KIAA0586: variants seen among roughly 807,000 people sequenced by gnomAD.
The protein encoded by KIAA0586 is KIAA0586, also known as protein TALPID3.
Under a neutral mutation model 169.8 loss-of-function variants are expected in KIAA0586, and 144 were observed. The ratio of observed to expected loss-of-function variants is 0.85; its 90% CI spans 0.74 to 0.97. KIAA0586 has a LOEUF of 0.97. KIAA0586 is among the 50% of genes least tolerant of loss of function. KIAA0586 has a pLI of 0.00. For missense variants in KIAA0586, 1,854 were observed against 1,823.0 expected (o/e 1.02, Z -0.31); for synonymous variants, 625 against 612.4 (o/e 1.02, Z -0.30).
At chr14:58,511,584 G>C (rs1458376922) in intron 28 of KIAA0586, among the ~76,000 whole-genome samples, 1 of 152,192 alleles carries the variant, frequency 6.6e-6, no homozygotes, top group Non-Finnish European at 1.5e-5. Flanking sequence ...GCCAGAGGTA[G>C]TCCTAGTACC....
intron 30 of KIAA0586, among the ~76,000 whole-genome samples, chr14:58,542,245 G>A (rs951741362): frequency 6.6e-6 from 1 of 152,090 alleles, no homozygotes; most frequent in African/African-American, 2.4e-5. Flanking sequence ...TTGAGAGGCC[G>A]AGGTGGGCAG....
chr14:58,490,860 C>A, intron 25 of KIAA0586, among the ~76,000 whole-genome samples: 1 of 151,984 alleles, frequency 6.6e-6, no homozygotes, highest in Admixed American at 6.6e-5. Context: ...GGTAATTGTA[C>A]TCAACTATCA....
At chr14:58,512,994 C>T (rs1595444312) in intron 29 of KIAA0586, among the ~76,000 whole-genome samples, 1 of 151,992 alleles carries the variant, frequency 6.6e-6, no homozygotes, top group African/African-American at 2.4e-5. Flanking sequence ...TTGTAAAGCA[C>T]ATTATTTAGT....
downstream of KIAA0586, among the ~76,000 whole-genome samples, chr14:58,554,441 T>G (rs7157896): frequency 0.016 from 2,429 of 152,328 alleles, 72 homozygotes; most frequent in African/African-American, 0.055. Context: ...GTACCTACTC[T>G]GCACAAAACC....
Position 58,459,901 on chromosome 14 carries a change from C to A in KIAA0586, c.1715C>A (p.Thr572Asn). 1 of 1,533,728 alleles carries A rather than the reference C, an allele frequency of 6.5e-7. No homozygotes were observed. Among genetic ancestry groups the A allele is most frequent in the Non-Finnish European group, 8.7e-7 (1 of 1,145,690 alleles). ...AGATTTGATCAGAAGAATCAGAGAA[C>A]CAAGAAAGGTCAGAATATGACTAAA... ...QKRFDQKNQR[T>N]KKGQNMTKDI... is the part of the protein sequence containing the mutation. Residue 572 changes from threonine (T) to asparagine (N), a missense_variant, in exon 13 of 31, where the codon ACC becomes AAC. Thr to Asn is a moderately conservative substitution (Grantham distance 65, BLOSUM62 0). Coordinates refer to ENST00000652326, the MANE Select transcript of KIAA0586 (RefSeq NM_001329943.3).
At chr14:58,515,932 C>T (rs1249374430) in intron 29 of KIAA0586, among the ~76,000 whole-genome samples, 2 of 151,704 alleles carry the variant, frequency 1.3e-5, no homozygotes, top group Non-Finnish European at 2.9e-5. Flanking sequence ...ATTTCTTGAA[C>T]CCATCAGAGA....
chr14:58,435,078 C>T (rs113573460), intron 4 of KIAA0586, among the ~76,000 whole-genome samples: 2 of 152,330 alleles, frequency 1.3e-5, no homozygotes, highest in African/African-American at 4.8e-5. Flanking sequence ...CATGAGCCAA[C>T]ATACCTGGCT....
chr14:58,440,173 A>G, intron 4 of KIAA0586: 1 of 447,616 alleles, frequency 2.2e-6, no homozygotes. Flanking sequence ...ATGTAGCACT[A>G]CACCCACCTA....
chr14:58,453,575 AATTT>A, intron 9 of KIAA0586, 102 bp downstream of exon 9: 1 of 748,656 alleles, frequency 1.3e-6, no homozygotes, highest in Non-Finnish European at 2.1e-6. Flanking sequence ...TTGCTTCTTA[AATTT>A]ATCTTAGATT....
At chr14:58,476,140 GA>G (rs2041602866) in intron 19 of KIAA0586, among the ~76,000 whole-genome samples, 1 of 151,998 alleles carries the variant, frequency 6.6e-6, no homozygotes, top group African/African-American at 2.4e-5. Flanking sequence ...ACAAAAGTTT[GA>G]AAAAGCATAC....
At chr14:58,499,658 AAGCTATTCTCCTGCCTC>A (rs1406893731) in intron 27 of KIAA0586, among the ~76,000 whole-genome samples, 2 of 152,034 alleles carry the variant, frequency 1.3e-5, no homozygotes, top group Non-Finnish European at 2.9e-5. Context: ...TCCTGGGTTC[AAGCTATTCTCCTGCCTC>A]AGCCTCCCGA....
the KIAA0586 span, among the ~76,000 whole-genome samples, chr14:58,560,853 A>G: frequency 2.0e-5 from 3 of 152,334 alleles, no homozygotes; most frequent in African/African-American, 7.2e-5. Context: ...GGTTCTTGGC[A>G]TTAAACTAAG....
At chr14:58,547,154 T>TAA (rs1566968874) in intron 30 of KIAA0586, among the ~76,000 whole-genome samples, 9 of 125,282 alleles carry the variant, frequency 7.2e-5, no homozygotes, top group African/African-American at 3.0e-4. Flanking sequence ...CTTACCTCTT[T>TAA]TAAAAAAAAA....
intron 29 of KIAA0586, among the ~76,000 whole-genome samples, chr14:58,514,926 A>G (rs1264315106): frequency 2.2e-4 from 33 of 152,102 alleles, no homozygotes; most frequent in Admixed American, 2.1e-3. Context: ...ATTAACTTTC[A>G]TCAATACAAA....
the KIAA0586 span, among the ~76,000 whole-genome samples, chr14:58,557,899 A>ACCTTTTTTTTTTTTT: frequency 2.1e-5 from 1 of 46,610 alleles, no homozygotes; most frequent in African/African-American, 9.8e-5. Context: ...ATCCTGAGAA[A>ACCTTTTTTTTTTTTT]TCTTTTTTTT....
At chr14:58,458,728 T>A (rs770678196) in intron 12 of KIAA0586, among the ~76,000 whole-genome samples, 183 bp downstream of exon 12, 1 of 152,220 alleles carries the variant, frequency 6.6e-6, no homozygotes, top group Non-Finnish European at 1.5e-5. Context: ...AAGTATATTA[T>A]CTCCACTTAT....
At chr14:58,434,070 A>C (rs971923533) in intron 4 of KIAA0586, among the ~76,000 whole-genome samples, 9 of 152,144 alleles carry the variant, frequency 5.9e-5, no homozygotes, top group Non-Finnish European at 1.3e-4. Flanking sequence ...AAGCAGAAGA[A>C]ATCAAGTATA....
upstream of KIAA0586, chr14:58,427,505 C>A: frequency 7.8e-7 from 1 of 1,279,178 alleles, no homozygotes; most frequent in Non-Finnish European, 1.1e-6. Flanking sequence ...GACTGTAGAG[C>A]GGTCTTGTGC....
rs187767992 is a variant in KIAA0586, at chr14:58,436,504, C to T, written c.410+4047C>T. Among the ~76,000 whole-genome samples the T allele has an allele frequency of 5.9e-5, 9 of 152,158 alleles. 1 individual carries two copies. In the South Asian group the frequency reaches 6.2e-4, roughly 11 times the overall value. ...GGGAAGACTAAGCGCTGTAAAAATACAAGTTATTACAAAATTAGCATATGT... is the reference window on the plus strand; with the variant it reads ...GGGAAGACTAAGCGCTGTAAAAATATAAGTTATTACAAAATTAGCATATGT... On this transcript the variant is annotated intron_variant, in intron 4 of 30. Transcript: ENST00000652326.
Sources: gnomAD v4.1 joint callset for allele counts (sites outside exome capture counted in the v4.1 genomes callset) on GRCh38, gnomAD v4.1.1 for gene constraint, MANE v1.5 for transcripts, NCBI Gene and HGNC (gene_info 2026-07-23, HGNC 2026-07-21) for gene names.